IRGM: variants seen among roughly 807,000 people sequenced by gnomAD.
The protein encoded by IRGM is immunity-related GTPase family M protein.
For synonymous variants in IRGM, 98 were observed against 80.6 expected (o/e 1.22, Z -1.16); for missense variants, 288 against 219.9 (o/e 1.31, Z -1.96).
At chr5:150,850,046 A>G (rs1753951732), downstream of IRGM, among the ~76,000 whole-genome samples, 2 of 152,228 alleles carry the variant, frequency 1.3e-5, no homozygotes, top group Admixed American at 6.5e-5. Context: ...GCCTGTATAG[A>G]TGGTAAAAGC....
chr5:150,898,670 A>G, intron 3 of IRGM: 1 of 1,260,552 alleles, frequency 7.9e-7, no homozygotes, highest in African/African-American at 1.5e-5. Flanking sequence ...AAAACAAAAT[A>G]AAATCCTGTT....
At position 150,888,171 on chromosome 5, in the gene IRGM, C is replaced by A. The variant is rs79082464; in HGVS notation, c.*140+8525C>A. On this transcript the variant is annotated intron_variant and NMD_transcript_variant, in intron 3 of 3. Coordinates refer to the IRGM transcript ENST00000520549. ...CTGATTTCAGACAAGAAAAAACAAA[C>A]AAACAAACGAAAAACAGACTTTAAA... Among the ~76,000 whole-genome samples the A allele has an allele frequency of 7.0e-3, 1,062 of 151,844 alleles. 6 individuals carry two copies. The highest frequency in any genetic ancestry group is 0.011 in the Non-Finnish European group (727 of 67,860).
intron 1 of IRGM, among the ~76,000 whole-genome samples, chr5:150,855,953 A>G (rs1581640787): frequency 6.6e-6 from 1 of 152,296 alleles, no homozygotes; most frequent in South Asian, 2.1e-4. Flanking sequence ...TAATTAGGAG[A>G]CACTCAATTT....
At chr5:150,870,088 G>C (rs1257431276) in intron 1 of IRGM, among the ~76,000 whole-genome samples, 1 of 152,122 alleles carries the variant, frequency 6.6e-6, no homozygotes, top group African/African-American at 2.4e-5. Flanking sequence ...GTACAGATGA[G>C]AATAAAGGGA....
intron 1 of IRGM, among the ~76,000 whole-genome samples, chr5:150,860,313 T>A (rs1754118464): frequency 6.6e-6 from 1 of 152,248 alleles, no homozygotes; most frequent in South Asian, 2.1e-4. Flanking sequence ...CAAATTGTTT[T>A]ATGAATAAGT....
At chr5:150,897,065 A>G in intron 3 of IRGM, 3 of 983,270 alleles carry the variant, frequency 3.1e-6, no homozygotes, top group Non-Finnish European at 4.4e-6. Context: ...AACATAGTAG[A>G]TGAACTCACA....
chr5:150,895,249 A>G, intron 3 of IRGM: 1 of 516,530 alleles, frequency 1.9e-6, no homozygotes, highest in Non-Finnish European at 3.4e-6. Context: ...TTCTTCATTT[A>G]TATAACTATT....
At chr5:150,850,171 CTTTCA>C (rs1270825730), downstream of IRGM, among the ~76,000 whole-genome samples, 1 of 152,168 alleles carries the variant, frequency 6.6e-6, no homozygotes, top group East Asian at 1.9e-4. Context: ...CTTTTCCTTT[CTTTCA>C]TTCATTTTTT....
chr5:150,848,786 A>G (rs1471695682), downstream of IRGM: 3 of 716,252 alleles, frequency 4.2e-6, no homozygotes, highest in East Asian at 5.4e-5. Flanking sequence ...TTTCGGGGGC[A>G]TGTAGAGAGT....
Position 150,848,018 on chromosome 5 carries a change from G to A in IRGM, c.-106G>A, listed in dbSNP as rs1753902099. ...AGGTTTCACGATGTTGGCCAGGATG[G>A]TCTCAATCTCCTGACCTCGTGATCT... On this transcript the variant is annotated 5_prime_UTR_variant, in exon 2 of 2. Coordinates refer to ENST00000522154, the MANE Select transcript of IRGM (RefSeq NM_001145805.2). The A allele has an allele frequency of 4.8e-6, 4 of 839,558 alleles. No homozygotes were observed. The African/African-American group carries it at 5.2e-5, about 11-fold the overall frequency. 52.0% of individuals were successfully genotyped at this position (839,558 alleles called of 1,614,324 possible).
At chr5:150,870,267 T>C (rs1019018435) in intron 1 of IRGM, among the ~76,000 whole-genome samples, 2 of 152,138 alleles carry the variant, frequency 1.3e-5, no homozygotes, top group African/African-American at 4.8e-5. Context: ...ATAAACTTTC[T>C]AAATTAACTG....
intron 3 of IRGM, among the ~76,000 whole-genome samples, chr5:150,894,100 G>A (rs911277044): frequency 1.3e-5 from 2 of 152,046 alleles, no homozygotes; most frequent in African/African-American, 2.4e-5. Flanking sequence ...AGGGGATCAA[G>A]TGGATAGGAA....
Position 150,895,983 on chromosome 5 carries a change from C to T in IRGM, c.*141-4606C>T, listed in dbSNP as rs191242853. 3.5e-4 allele frequency: 571 copies of T among 1,613,276 alleles called. 8 individuals carry two copies. The East Asian group carries it at 4.1e-3, about 12-fold the overall frequency. ...ATGTATAATGAGGTGGGACTTCTCA[C>T]AGAAGGCTTTCCCACATTCGGTACA... On this transcript the variant is annotated intron_variant and NMD_transcript_variant, in intron 3 of 3. Transcript: ENST00000520549.
At chr5:150,865,009 C>T (rs56673886) in intron 1 of IRGM, among the ~76,000 whole-genome samples, 37,138 of 152,146 alleles carry the variant, frequency 0.24, 6,459 homozygotes, top group East Asian at 0.61. Flanking sequence ...TCTCCCATCT[C>T]TCTGTTTGTC....
intron 1 of IRGM, among the ~76,000 whole-genome samples, chr5:150,859,843 G>A (rs1010853223): frequency 1.3e-4 from 19 of 151,582 alleles, no homozygotes; most frequent in Admixed American, 3.3e-4. Flanking sequence ...TCTTGCTAGC[G>A]GTCTATCAAT....
intron 3 of IRGM, among the ~76,000 whole-genome samples, chr5:150,879,854 G>T (rs1249133007): frequency 6.6e-6 from 1 of 152,154 alleles, no homozygotes; most frequent in African/African-American, 2.4e-5. Context: ...CTGAGTACCA[G>T]ATAAAAAGAT....
chr5:150,896,460 T>A (rs1283862732), intron 3 of IRGM: 4 of 1,613,604 alleles, frequency 2.5e-6, no homozygotes, highest in Non-Finnish European at 2.5e-6. Context: ...TTCCACATTC[T>A]GATATTGAAT....
At chr5:150,872,829 G>A (rs1754304864) in intron 1 of IRGM, among the ~76,000 whole-genome samples, 1 of 152,204 alleles carries the variant, frequency 6.6e-6, no homozygotes. Context: ...GGAAGATTGG[G>A]ATGCTGGAGT....
At chr5:150,851,249 A>T (rs1034928245), downstream of IRGM, among the ~76,000 whole-genome samples, 1 of 152,178 alleles carries the variant, frequency 6.6e-6, no homozygotes, top group African/African-American at 2.4e-5. Context: ...TGAAGGGAAG[A>T]TGGAGCAGGT....
Sources: gnomAD v4.1 joint callset for allele counts (sites outside exome capture counted in the v4.1 genomes callset) on GRCh38, gnomAD v4.1.1 for gene constraint, MANE v1.5 for transcripts, NCBI Gene and HGNC (gene_info 2026-07-23, HGNC 2026-07-21) for gene names.